Variants in TOP2B observed in about 807,000 individuals in gnomAD.
TOP2B encodes DNA topoisomerase 2-beta.
TOP2B carries 51 observed loss-of-function variants against 193.5 expected under a neutral mutation model. That is an observed-to-expected ratio of 0.26 (90% CI 0.21 to 0.33). The LOEUF (loss-of-function observed/expected upper bound fraction) is 0.33. TOP2B is among the 10% of genes least tolerant of loss of function. TOP2B has a pLI of 1.00. For synonymous variants in TOP2B, 634 were observed against 635.7 expected (o/e 1.00, Z 0.04); for missense variants, 1,378 against 1,909.3 (o/e 0.72, Z 5.19).
intron 30 of TOP2B, among the ~76,000 whole-genome samples, chr3:25,608,148 T>C (rs191180253): frequency 4.8e-4 from 73 of 152,234 alleles, no homozygotes; most frequent in African/African-American, 1.7e-3. Flanking sequence ...AGTTTTACTA[T>C]GAAATAACAA....
In TOP2B at chr3:25,618,836, T is replaced by A. The variant is rs767104853; in HGVS notation, c.3077A>T (p.His1026Leu). The A allele has an allele frequency of 1.9e-6, 3 of 1,603,242 alleles. No individual in the cohort carries two copies. The highest frequency in any genetic ancestry group is 1.7e-5 in the Admixed American group (1 of 58,298). Residue 1026 changes from histidine (H) to leucine (L), a missense_variant, in exon 24 of 36, where the codon CAT (histidine) becomes CTT (leucine). His to Leu is a moderately conservative substitution (Grantham distance 99). Coordinates refer to ENST00000264331, the MANE Select transcript of TOP2B (RefSeq NM_001330700.2). ...TTCATATTTCTTCAGACATCCCATA[T>A]GATCAAAAAGTACCTAAGCAAAACA... Reference protein sequence around the residue: ...LTCNSMVLFDHMGCLKKYETV... With the variant: ...LTCNSMVLFDLMGCLKKYETV...
chr3:25,622,908 T>G (rs2125368142), intron 21 of TOP2B, among the ~76,000 whole-genome samples: 1 of 152,308 alleles, frequency 6.6e-6, no homozygotes, highest in East Asian at 1.9e-4. Flanking sequence ...TCCAAAGTGC[T>G]GGGATTACAG....
At chr3:25,623,361 AC>A (rs1702713317) in intron 21 of TOP2B, among the ~76,000 whole-genome samples, 153 bp downstream of exon 21, 1 of 152,212 alleles carries the variant, frequency 6.6e-6, no homozygotes, top group Non-Finnish European at 1.5e-5. Context: ...TATACTTTTT[AC>A]TGTAGGCACA....
chr3:25,657,344 A>T (rs2125409188), intron 1 of TOP2B, among the ~76,000 whole-genome samples: 1 of 152,314 alleles, frequency 6.6e-6, no homozygotes, highest in Non-Finnish European at 1.5e-5. Flanking sequence ...TATTTAATAC[A>T]AACCACCTTT....
intron 1 of TOP2B, among the ~76,000 whole-genome samples, chr3:25,647,382 C>T (rs1575584648): frequency 1.3e-5 from 2 of 152,184 alleles, no homozygotes; most frequent in Middle Eastern, 3.4e-3. Flanking sequence ...GCTATGGAAT[C>T]GAAAGTAGGT....
At position 25,599,533 on chromosome 3, in the gene TOP2B, A is replaced by C; in HGVS notation, c.4616-4T>G. The C allele has an allele frequency of 6.2e-7, 1 of 1,607,702 alleles. No homozygotes were observed. On this transcript the variant is annotated splice_region_variant and splice_polypyrimidine_tract_variant and intron_variant, in intron 34 of 35. Coordinates refer to ENST00000264331, the MANE Select transcript of TOP2B (RefSeq NM_001330700.2). ...TTCTTTGCCCCTCGGCCTTTACCTT[A>C]AAATGATACAAAAGGTTTTTTCTTC... is the stretch of plus-strand genomic sequence containing the variant.
intron 1 of TOP2B, among the ~76,000 whole-genome samples, chr3:25,652,791 G>C (rs565215031): frequency 6.6e-6 from 1 of 150,978 alleles, no homozygotes; most frequent in Non-Finnish European, 1.5e-5. Context: ...GGGAAATAAA[G>C]ATTAAAACAA....
At chr3:25,662,943 T>A (rs1458887976) in intron 1 of TOP2B, among the ~76,000 whole-genome samples, 1 of 152,184 alleles carries the variant, frequency 6.6e-6, no homozygotes, top group African/African-American at 2.4e-5. Context: ...GTCCATCTCC[T>A]CCTTCTTCCT....
At chr3:25,642,179 A>C (rs1413440650) in intron 4 of TOP2B, 143 bp downstream of exon 4, 3 of 496,374 alleles carry the variant, frequency 6.0e-6, no homozygotes, top group Non-Finnish European at 1.1e-5. Flanking sequence ...ATGACACAGA[A>C]AAGAGGCAAA....
intron 16 of TOP2B, 139 bp from the exon 17 acceptor site, chr3:25,627,003 C>A: frequency 1.4e-6 from 1 of 706,986 alleles, no homozygotes; most frequent in Non-Finnish European, 2.3e-6. Flanking sequence ...ATCAAAAACA[C>A]ATTTAAACTA....
chr3:25,603,434 G>C (rs1041418546), intron 33 of TOP2B, among the ~76,000 whole-genome samples: 1 of 152,074 alleles, frequency 6.6e-6, no homozygotes, highest in African/African-American at 2.4e-5. Flanking sequence ...GTAGAGATGG[G>C]GTTTTGCCAT....
At chr3:25,634,117 A>C in intron 7 of TOP2B, 103 bp from the exon 8 acceptor site, 1 of 847,344 alleles carries the variant, frequency 1.2e-6, no homozygotes, top group Non-Finnish European at 1.8e-6. Context: ...CACTTACAAC[A>C]GTTCTAAGTG....
Position 25,607,346 on chromosome 3 carries a change from A to G in TOP2B, c.4123T>C (p.Ser1375Pro). ...TCAGCATCATCATCCTCTTCTTCTG[A>G]GAAATCAAATGTGTATTTAGGTCTT... Reference protein sequence around the residue: ...AERPKYTFDFSEEEDDDADDD... With the variant: ...AERPKYTFDFPEEEDDDADDD... The change falls in exon 31 of 36, where the codon TCA (serine) becomes CCA (proline). Residue 1375 changes from serine (S) to proline (P), a missense_variant. Ser to Pro is a moderately conservative substitution (Grantham distance 74). Around this residue, in one of 9 missense-constraint regions of TOP2B, gnomAD observed 556 missense variants for 584.2 expected, o/e 0.95. Transcript: ENST00000264331. 6.4e-7 allele frequency: 1 copy of G among 1,551,542 alleles called. No individual in the cohort carries two copies. The highest frequency in any genetic ancestry group is 8.7e-7 in the Non-Finnish European group (1 of 1,146,884).
At chr3:25,657,209 G>GT (rs988389406) in intron 1 of TOP2B, among the ~76,000 whole-genome samples, 1 of 152,132 alleles carries the variant, frequency 6.6e-6, no homozygotes, top group African/African-American at 2.4e-5. Context: ...TTCAACTCCT[G>GT]TTTGTCAGCA....
chr3:25,649,724 C>A (rs1408693293), intron 1 of TOP2B, among the ~76,000 whole-genome samples: 1 of 151,706 alleles, frequency 6.6e-6, no homozygotes, highest in African/African-American at 2.4e-5. Context: ...CAGTTCATCA[C>A]CACTAGGTTT....
At chr3:25,629,915 G>T in intron 13 of TOP2B, 114 bp downstream of exon 13, 2 of 1,114,924 alleles carry the variant, frequency 1.8e-6, no homozygotes, top group Middle Eastern at 2.5e-4. Flanking sequence ...TTTTCCTCCT[G>T]ATGTATAATC....
chr3:25,624,339 C>T lies in TOP2B; in HGVS notation c.2453G>A (p.Gly818Asp). The T allele has an allele frequency of 6.2e-7, 1 of 1,613,904 alleles. No homozygotes were observed. The highest frequency in any genetic ancestry group is 8.5e-7 in the Non-Finnish European group (1 of 1,179,838). ...IGQFGTRLHG[G>D]KDAASPRYIF... ...ATAACGAGGGCTTGCAGCATCTTTG[C>T]CACCATGAAGCCGAGTTCCAAACTG... Residue 818 changes from glycine (G) to aspartate (D), a missense_variant, in exon 20 of 36, where the codon GGC becomes GAC. Around this residue, in one of 9 missense-constraint regions of TOP2B, gnomAD observed 379 missense variants for 615.1 expected, o/e 0.62. Transcript: ENST00000264331.
rs1701967129 is a variant in TOP2B, at chr3:25,598,159, C to G, written c.*148G>C. On this transcript the variant is annotated 3_prime_UTR_variant, in exon 36 of 36. Coordinates refer to ENST00000264331, the MANE Select transcript of TOP2B (RefSeq NM_001330700.2). ...GAGCATAAAACTGTATGTGTAAGAA[C>G]AAAATGTTAAAAGGCCTACCACAAT... The G allele has an allele frequency of 8.9e-6, 7 of 785,442 alleles. No individual in the cohort carries two copies. Among genetic ancestry groups the G allele is most frequent in the African/African-American group, 1.7e-5 (1 of 57,314 alleles). 48.7% of individuals were successfully genotyped at this position (785,442 alleles called of 1,614,324 possible).
chr3:25,655,337 A>G (rs1224548681), intron 1 of TOP2B, among the ~76,000 whole-genome samples: 1 of 152,214 alleles, frequency 6.6e-6, no homozygotes, highest in Non-Finnish European at 1.5e-5. Flanking sequence ...ACAATAAGAT[A>G]TCACCTCACA....
Sources: allele counts gnomAD v4.1 joint callset (sites outside exome capture counted in the v4.1 genomes callset), GRCh38; gene constraint gnomAD v4.1.1; regional missense constraint gnomAD v4.1.1; transcripts MANE v1.5; gene names NCBI Gene and HGNC (gene_info 2026-07-23, HGNC 2026-07-21).